Variants in PLEKHG1 observed in about 807,000 individuals in gnomAD.
PLEKHG1 encodes pleckstrin homology and RhoGEF domain containing G1.
In PLEKHG1, 44 loss-of-function variants were observed where a neutral mutation model predicts 100.8. The observed-to-expected ratio is 0.44, with a 90% CI of 0.34 to 0.56. The LOEUF (loss-of-function observed/expected upper bound fraction) is 0.56. PLEKHG1 is among the 20% of genes least tolerant of loss of function. The pLI, the probability that PLEKHG1 is intolerant of heterozygous loss-of-function variation, is 0.01. For synonymous variants in PLEKHG1, 640 were observed against 662.5 expected, an observed-to-expected ratio of 0.97 and a Z score of 0.52; for missense variants, 1,545 against 1,720.9, an observed-to-expected ratio of 0.90 and a Z score of 1.81.
intron 1 of PLEKHG1, among the ~76,000 whole-genome samples, chr6:150,623,029 T>C (rs1777369604): frequency 6.6e-6 from 1 of 152,050 alleles, no homozygotes; most frequent in Non-Finnish European, 1.5e-5. Context: ...CTTTTTTTTT[T>C]TTTTCTCTGT....
intron 3 of PLEKHG1, among the ~76,000 whole-genome samples, chr6:150,774,567 A>C (rs1784864953): frequency 8.6e-6 from 1 of 116,004 alleles, no homozygotes; most frequent in African/African-American, 3.2e-5. Flanking sequence ...TTTGAGACAC[A>C]GTCTCACTCT....
chr6:150,672,767 T>TA (rs1438418906), intron 3 of PLEKHG1, among the ~76,000 whole-genome samples: 10 of 152,182 alleles, frequency 6.6e-5, no homozygotes, highest in African/African-American at 2.4e-4. Flanking sequence ...CATTTATAGA[T>TA]AAAAAAGATA....
chr6:150,604,718 GTC>G (rs1272038814), intron 1 of PLEKHG1, among the ~76,000 whole-genome samples: 3 of 152,210 alleles, frequency 2.0e-5, no homozygotes, highest in Non-Finnish European at 4.4e-5. Context: ...GGGGCTAGAA[GTC>G]TCTGTTAAGC....
intron 2 of PLEKHG1, among the ~76,000 whole-genome samples, chr6:150,737,281 ATTTTTTTTTTT>A (rs34129872): frequency 8.5e-6 from 1 of 117,034 alleles, no homozygotes; most frequent in African/African-American, 3.2e-5. Flanking sequence ...TCATATGGGT[ATTTTTTTTTTT>A]TTTTTTTTTT....
At chr6:150,651,601 C>T (rs1398022878) in intron 3 of PLEKHG1, among the ~76,000 whole-genome samples, 1 of 152,032 alleles carries the variant, frequency 6.6e-6, no homozygotes, top group Non-Finnish European at 1.5e-5. Context: ...GCTCACGCCC[C>T]TAATCCCAGC....
At chr6:150,730,645 A>G (rs919790762) in intron 1 of PLEKHG1, among the ~76,000 whole-genome samples, 2 of 152,138 alleles carry the variant, frequency 1.3e-5, no homozygotes, top group Non-Finnish European at 2.9e-5. Flanking sequence ...GCTCACACCT[A>G]TAAACCCAAC....
chr6:150,725,252 A>G (rs965115837), intron 1 of PLEKHG1, among the ~76,000 whole-genome samples: 1 of 152,122 alleles, frequency 6.6e-6, no homozygotes, highest in African/African-American at 2.4e-5. Context: ...CTCATTCATG[A>G]GGGTAGAGCC....
chr6:150,706,929 A>G (rs1283379186), intron 3 of PLEKHG1, among the ~76,000 whole-genome samples: 2 of 132,548 alleles, frequency 1.5e-5, no homozygotes, highest in Non-Finnish European at 3.2e-5. Flanking sequence ...AAATTTTTCC[A>G]TGATGGGAAG....
At chr6:150,829,438 C>T (rs1224233897) in intron 14 of PLEKHG1, among the ~76,000 whole-genome samples, 1 of 152,062 alleles carries the variant, frequency 6.6e-6, no homozygotes, top group Admixed American at 6.5e-5. Context: ...GCCAACACAG[C>T]AAAACCCTGT....
At chr6:150,779,492 C>T (rs143107705) in intron 3 of PLEKHG1, among the ~76,000 whole-genome samples, 9,482 of 151,810 alleles carry the variant, frequency 0.062, 393 homozygotes, top group Admixed American at 0.11. Flanking sequence ...CTTACAGGCA[C>T]CTGCCACCAC....
At chr6:150,627,782 C>T (rs1777565786) in intron 1 of PLEKHG1, among the ~76,000 whole-genome samples, 1 of 152,158 alleles carries the variant, frequency 6.6e-6, no homozygotes, top group Non-Finnish European at 1.5e-5. Context: ...CATATGTTTG[C>T]CACAATTAGG....
At chr6:150,819,876 T>G in intron 12 of PLEKHG1, 102 bp downstream of exon 13, 1 of 751,886 alleles carries the variant, frequency 1.3e-6, no homozygotes, top group Non-Finnish European at 2.4e-6. Flanking sequence ...GTTTCTCAGC[T>G]CACTGCCGGT....
rs1223384791 is a variant in PLEKHG1 at position 150,750,536 on chromosome 6, T to C, written c.411+16444T>C. Among the ~76,000 whole-genome samples the C allele has an allele frequency of 2.0e-5, 3 of 151,502 alleles. No homozygotes were observed. In the East Asian group the frequency reaches 5.8e-4, roughly 30 times the overall value. On this transcript the variant is annotated intron_variant, in intron 2 of 15. Transcript: ENST00000358517. ...ACACTCACGCCTGTAATCCCAGCAC[T>C]TTGGGAGGCCGAGGCGGGCGGATCA...
At chr6:150,709,060 G>A (rs1277503630) in intron 3 of PLEKHG1, among the ~76,000 whole-genome samples, 2 of 152,188 alleles carry the variant, frequency 1.3e-5, no homozygotes, top group Admixed American at 6.5e-5. Flanking sequence ...AGGGCTGGGC[G>A]CGGTGGCTCA....
chr6:150,714,990 TA>T (rs1482300652), intron 3 of PLEKHG1, among the ~76,000 whole-genome samples: 3 of 151,616 alleles, frequency 2.0e-5, no homozygotes, highest in Non-Finnish European at 4.4e-5. Context: ...TTTGTGTTTT[TA>T]GTAGAGACTG....
chr6:150,722,349 CTTTTTTTTTT>C (rs139069069), intron 1 of PLEKHG1, among the ~76,000 whole-genome samples: 2 of 90,680 alleles, frequency 2.2e-5, no homozygotes, highest in African/African-American at 8.4e-5. Context: ...TTTTTCTTTT[CTTTTTTTTTT>C]TTTTTTTTTT....
At chr6:150,830,029 A>C (rs1002273287) in intron 14 of PLEKHG1, among the ~76,000 whole-genome samples, 1 of 152,126 alleles carries the variant, frequency 6.6e-6, no homozygotes, top group Non-Finnish European at 1.5e-5. Context: ...TGTACACCAG[A>C]CTTACTTGAA....
chr6:150,740,168 G>C (rs1782774575), intron 2 of PLEKHG1, among the ~76,000 whole-genome samples: 1 of 152,230 alleles, frequency 6.6e-6, no homozygotes, highest in African/African-American at 2.4e-5. Flanking sequence ...CTGTGACTTG[G>C]ATGAAATGGA....
intron 4 of PLEKHG1, among the ~76,000 whole-genome samples, chr6:150,793,076 C>T (rs901165246): frequency 4.6e-5 from 7 of 152,120 alleles, no homozygotes; most frequent in African/African-American, 9.7e-5. Flanking sequence ...CTTTGCATGA[C>T]GCTGGAGAAC....
Sources: allele counts gnomAD v4.1 joint callset (sites outside exome capture counted in the v4.1 genomes callset), GRCh38; gene constraint gnomAD v4.1.1; transcripts MANE v1.5; gene names NCBI Gene and HGNC (gene_info 2026-07-23, HGNC 2026-07-21).